Variants in DPYD observed in about 807,000 individuals in gnomAD.
The protein encoded by DPYD is dihydropyrimidine dehydrogenase [NADP(+)].
Under a neutral mutation model 116.2 loss-of-function variants are expected in DPYD, and 109 were observed. The ratio of observed to expected loss-of-function variants is 0.94; its 90% CI spans 0.80 to 1.10. The LOEUF (loss-of-function observed/expected upper bound fraction) is 1.10, where lower values mean the gene tolerates loss of function less well. DPYD is among the 50% of genes least tolerant of loss of function. The probability of loss-of-function intolerance (pLI) is 0.00; values close to 1 mark genes in which losing one functional copy is unlikely to be tolerated. For missense variants in DPYD, 1,302 were observed against 1,254.5 expected, an observed-to-expected ratio of 1.04 and a Z score of -0.57; for synonymous variants, 440 against 432.0, an observed-to-expected ratio of 1.02 and a Z score of -0.23.
chr1:97,414,403 G>A (rs1674176558), intron 14 of DPYD, among the ~76,000 whole-genome samples: 1 of 152,142 alleles, frequency 6.6e-6, no homozygotes, highest in Admixed American at 6.6e-5. Flanking sequence ...CCTATCTTAT[G>A]GTCTTGAAGA....
chr1:97,337,494 G>A (rs904188915), intron 16 of DPYD, among the ~76,000 whole-genome samples: 1 of 151,996 alleles, frequency 6.6e-6, no homozygotes, highest in African/African-American at 2.4e-5. Context: ...CCTCTGTAGT[G>A]TAACACATCT....
In DPYD at chr1:97,225,501, C is replaced by T. The variant is rs556130412; in HGVS notation, c.2442+9351G>A. 4.3e-3 allele frequency among the ~76,000 whole-genome samples: 633 copies of T among 148,218 alleles called. 5 individuals are homozygous for T. The highest frequency in any genetic ancestry group is 0.015 in the African/African-American group (609 of 40,476). On this transcript the variant is annotated intron_variant, in intron 19 of 22. Transcript: ENST00000370192. The stretch of plus-strand genomic sequence containing the variant: ...AGACACATAACTCTCATTCATTTTT[C>T]TATGATTTCACATTTTTTTTCTTCA...
chr1:97,198,204 G>A (rs960457732), intron 19 of DPYD, among the ~76,000 whole-genome samples: 1 of 152,154 alleles, frequency 6.6e-6, no homozygotes, highest in East Asian at 1.9e-4. Context: ...TGCTGCTGCT[G>A]CTGCTGGACC....
At chr1:97,539,616 A>C (rs1490472577) in intron 12 of DPYD, among the ~76,000 whole-genome samples, 1 of 152,220 alleles carries the variant, frequency 6.6e-6, no homozygotes, top group Non-Finnish European at 1.5e-5. Context: ...GAGAATTGAA[A>C]ACAATTCTTA....
At chr1:97,278,686 T>C (rs556551294) in intron 18 of DPYD, among the ~76,000 whole-genome samples, 1 of 152,260 alleles carries the variant, frequency 6.6e-6, no homozygotes, top group South Asian at 2.1e-4. Context: ...CAGTTGAAAA[T>C]AAAGCATCAT....
chr1:97,605,358 G>C (rs1655522381), intron 8 of DPYD, among the ~76,000 whole-genome samples: 1 of 151,996 alleles, frequency 6.6e-6, no homozygotes, highest in Non-Finnish European at 1.5e-5. Context: ...ACTGAATCAT[G>C]GGGGTGATTT....
intron 11 of DPYD, among the ~76,000 whole-genome samples, chr1:97,559,291 C>T (rs1651967438): frequency 6.6e-6 from 1 of 151,696 alleles, no homozygotes; most frequent in Admixed American, 6.6e-5. Context: ...AAAATAAAAA[C>T]AAATAGGAAA....
chr1:97,811,422 C>T lies in DPYD; in HGVS notation c.233+16692G>A, dbSNP rs548339937. ...AGAGTATCTCCACAAATGTTCAATG[C>T]CACTGTGCCTTCAATGGCCTTACAC... On this transcript the variant is annotated intron_variant, in intron 3 of 22. Transcript: ENST00000370192. Among the ~76,000 whole-genome samples the T allele has an allele frequency of 2.6e-5, 4 of 152,122 alleles. No homozygotes were observed. In the East Asian group the frequency reaches 7.7e-4, roughly 29 times the overall value.
At chr1:97,218,134 C>A (rs1432231219) in intron 19 of DPYD, among the ~76,000 whole-genome samples, 1 of 152,110 alleles carries the variant, frequency 6.6e-6, no homozygotes, top group East Asian at 1.9e-4. Context: ...CACACAAATA[C>A]TGTAAAGAAT....
intron 12 of DPYD, among the ~76,000 whole-genome samples, chr1:97,526,079 C>T (rs538773728): frequency 6.6e-6 from 1 of 151,680 alleles, no homozygotes; most frequent in East Asian, 1.9e-4. Context: ...TTGCCAAGGT[C>T]TTGCCTAAAA....
chr1:97,593,140 G>A (rs1406412762), intron 10 of DPYD, 78 bp downstream of exon 10: 2 of 1,508,636 alleles, frequency 1.3e-6, no homozygotes, highest in Non-Finnish European at 1.8e-6. Flanking sequence ...CAACATTCTA[G>A]CGATTTAAAC....
chr1:97,137,554 C>T (rs1236401969), intron 20 of DPYD, among the ~76,000 whole-genome samples: 1 of 152,204 alleles, frequency 6.6e-6, no homozygotes. Context: ...GACAATTTCT[C>T]TCATTGCGCT....
intron 15 of DPYD, 67 bp from the exon 16 acceptor site, chr1:97,373,711 G>T: frequency 7.4e-7 from 1 of 1,351,434 alleles, no homozygotes; most frequent in Non-Finnish European, 1.1e-6. Flanking sequence ...GGCTTTCACC[G>T]TTGATAACAC....
At chr1:97,884,773 G>A (rs370767482) in intron 1 of DPYD, among the ~76,000 whole-genome samples, 7 of 151,898 alleles carry the variant, frequency 4.6e-5, no homozygotes, top group South Asian at 2.1e-4. Context: ...GTTGAGTTGC[G>A]GGATTCCTGA....
At chr1:97,474,233 A>T (rs1172042448) in intron 13 of DPYD, among the ~76,000 whole-genome samples, 1 of 152,146 alleles carries the variant, frequency 6.6e-6, no homozygotes, top group Non-Finnish European at 1.5e-5. Flanking sequence ...CTAACGATGA[A>T]CAATGTTGTT....
chr1:97,100,909 C>T (rs1005611140), intron 20 of DPYD, among the ~76,000 whole-genome samples: 6 of 152,008 alleles, frequency 3.9e-5, no homozygotes, highest in Non-Finnish European at 5.9e-5. Flanking sequence ...ATTTGCCATA[C>T]ATAAATTATG....
chr1:97,731,999 C>A (rs900561102), intron 4 of DPYD, among the ~76,000 whole-genome samples: 1 of 152,022 alleles, frequency 6.6e-6, no homozygotes, highest in Non-Finnish European at 1.5e-5. Flanking sequence ...TCATATAAAA[C>A]TGGCTTAAGA....
chr1:97,365,043 A>T (rs1479764611), intron 16 of DPYD, among the ~76,000 whole-genome samples: 1 of 152,028 alleles, frequency 6.6e-6, no homozygotes, highest in Non-Finnish European at 1.5e-5. Context: ...TGCCTCTGAT[A>T]CCTTCGTTTA....
chr1:97,204,713 T>C (rs1375928142), intron 19 of DPYD, among the ~76,000 whole-genome samples: 1 of 152,100 alleles, frequency 6.6e-6, no homozygotes, highest in Non-Finnish European at 1.5e-5. Context: ...TTCCTGTCTT[T>C]ATATTGGAGG....
Sources: allele counts gnomAD v4.1 joint callset (sites outside exome capture counted in the v4.1 genomes callset), GRCh38; gene constraint gnomAD v4.1.1; transcripts MANE v1.5; gene names NCBI Gene and HGNC (gene_info 2026-07-23, HGNC 2026-07-21).